The following TPH2 variants were observed in gnomAD, a reference collection of about 807,000 sequenced individuals.
TPH2 encodes the protein tryptophan 5-hydroxylase 2.
In TPH2, 27 loss-of-function variants were observed where a neutral mutation model predicts 59.1. The ratio of observed to expected loss-of-function variants is 0.46; its 90% CI spans 0.34 to 0.63. TPH2 has a LOEUF of 0.63. TPH2 is among the 30% of genes least tolerant of loss of function. TPH2 has a pLI of 0.01. For missense variants in TPH2, 523 were observed against 588.3 expected (o/e 0.89, Z 1.15); for synonymous variants, 220 against 210.5 (o/e 1.05, Z -0.39).
intron 8 of TPH2, among the ~76,000 whole-genome samples, chr12:71,999,520 T>C (rs951128747): frequency 1.3e-5 from 2 of 152,202 alleles, no homozygotes; most frequent in Non-Finnish European, 2.9e-5. Context: ...GAGTGTGTTA[T>C]AGTTTTGAGA....
At chr12:71,951,875 A>G (rs967996620) in intron 5 of TPH2, among the ~76,000 whole-genome samples, 4 of 152,286 alleles carry the variant, frequency 2.6e-5, no homozygotes, top group African/African-American at 9.6e-5. Flanking sequence ...AATATACAAA[A>G]TTAACCAGGC....
chr12:72,030,943 C>T (rs535918573), intron 9 of TPH2, among the ~76,000 whole-genome samples: 3 of 152,098 alleles, frequency 2.0e-5, no homozygotes, highest in Non-Finnish European at 4.4e-5. Context: ...GATTTAAAAT[C>T]CCATTTCTGT....
chr12:72,031,545 T>C lies in TPH2; in HGVS notation c.1323T>C (p.Arg441=), dbSNP rs772637863. ...GGGACTTTGCAAAGTCAATTACCCG[T>C]CCCTTCTCAGTATACTTCAATCCCT... The part of the protein sequence containing the change: ...KMRDFAKSIT[R]PFSVYFNPYT... The change falls in exon 11 of 11, where the codon CGT becomes CGC. Residue 441 remains arginine (R), a synonymous_variant. Transcript: ENST00000333850. 1.2e-5 allele frequency: 19 copies of C among 1,613,654 alleles called. No homozygotes were observed. Among genetic ancestry groups the C allele is most frequent in the Non-Finnish European group, 1.4e-5 (16 of 1,179,666 alleles).
chr12:71,941,474 A>G (rs1871063954), intron 1 of TPH2, 110 bp from the exon 2 acceptor site: 1 of 1,362,666 alleles, frequency 7.3e-7, no homozygotes, highest in East Asian at 2.5e-5. Context: ...AGTTTGTATG[A>G]TTGGTGGAGC....
Position 72,031,155 on chromosome 12 carries a change from C to G in TPH2, c.1165-103C>G. 9 of 1,476,694 alleles carry G rather than the reference C, an allele frequency of 6.1e-6. No homozygotes were observed. In the South Asian group the frequency reaches 1.0e-4, roughly 17 times the overall value. The allele number at this position is 1,476,694 out of a possible 1,614,324, so 91.5% of individuals were successfully genotyped here. On this transcript the variant is annotated intron_variant, in intron 9 of 10. Transcript: ENST00000333850. ...ATGACAGACTAGTAACTGAGCAGCT[C>G]TGTAGGATTACCGAGCTATCAAATG...
chr12:72,008,687 T>C (rs544780523), intron 8 of TPH2, among the ~76,000 whole-genome samples: 1 of 152,170 alleles, frequency 6.6e-6, no homozygotes, highest in African/African-American at 2.4e-5. Flanking sequence ...ATGTTGTGTG[T>C]AAGACCATAA....
At chr12:72,010,002 A>T (rs1873057476) in intron 8 of TPH2, among the ~76,000 whole-genome samples, 1 of 152,208 alleles carries the variant, frequency 6.6e-6, no homozygotes, top group Non-Finnish European at 1.5e-5. Flanking sequence ...CCCATGTTTG[A>T]AATGGGGGAT....
At chr12:71,950,094 C>T (rs1203616923) in intron 5 of TPH2, among the ~76,000 whole-genome samples, 1 of 152,174 alleles carries the variant, frequency 6.6e-6, no homozygotes, top group Admixed American at 6.5e-5. Context: ...GTTTGTTTTA[C>T]ATGGAGAGGA....
intron 8 of TPH2, among the ~76,000 whole-genome samples, chr12:72,004,111 A>C (rs1219426402): frequency 6.6e-6 from 1 of 150,956 alleles, no homozygotes; most frequent in Non-Finnish European, 1.5e-5. Flanking sequence ...TGAAGATGCT[A>C]TTCGGGATGT....
chr12:71,968,837 G>A (rs1051922209), intron 5 of TPH2, among the ~76,000 whole-genome samples: 1 of 152,200 alleles, frequency 6.6e-6, no homozygotes, highest in Admixed American at 6.5e-5. Context: ...CTCTCACCAA[G>A]CCCTGTAAGG....
intron 5 of TPH2, among the ~76,000 whole-genome samples, chr12:71,971,431 G>C (rs147241382): frequency 5.1e-4 from 77 of 152,286 alleles, no homozygotes; most frequent in African/African-American, 1.7e-3. Context: ...TTTCAGAATA[G>C]GTATCTTAAT....
chr12:71,983,646 T>TC (rs1230928327), intron 7 of TPH2, among the ~76,000 whole-genome samples: 2 of 152,150 alleles, frequency 1.3e-5, no homozygotes, highest in African/African-American at 4.8e-5. Context: ...TACTTGCAGA[T>TC]CCTAGGCAGA....
Position 71,962,127 on chromosome 12 carries a change from G to A in TPH2, c.609-10392G>A, listed in dbSNP as rs112510300. On this transcript the variant is annotated intron_variant, in intron 5 of 10. Coordinates refer to ENST00000333850, the MANE Select transcript of TPH2 (RefSeq NM_173353.4). ...TACTCTATGGCGTGGCTTAGCAGTCGTGGGGCTCCTAACCTCCTCTACAGA... is the reference window on the plus strand; with the variant it reads ...TACTCTATGGCGTGGCTTAGCAGTCATGGGGCTCCTAACCTCCTCTACAGA... 5.4e-4 allele frequency: 534 copies of A among 990,674 alleles called. 10 individuals are homozygous for A. The East Asian group carries it at 0.014, about 25-fold the overall frequency. 61.4% of individuals were successfully genotyped at this position (990,674 alleles called of 1,614,324 possible).
chr12:71,948,565 C>T (rs1319379344), intron 4 of TPH2, among the ~76,000 whole-genome samples: 2 of 152,184 alleles, frequency 1.3e-5, no homozygotes, highest in Non-Finnish European at 2.9e-5. Flanking sequence ...AGCGGCCCAT[C>T]TTGCAGAGCT....
At chr12:71,942,185 A>T (rs1231027314) in intron 2 of TPH2, among the ~76,000 whole-genome samples, 2 of 152,178 alleles carry the variant, frequency 1.3e-5, no homozygotes, top group Admixed American at 6.6e-5. Context: ...CTCATTGTTT[A>T]TGTGTCTTAA....
At chr12:71,994,651 T>C (rs1872652602) in intron 8 of TPH2, 86 bp downstream of exon 8, 11 of 1,522,078 alleles carry the variant, frequency 7.2e-6, no homozygotes, top group African/African-American at 2.7e-5. Flanking sequence ...CTATGAGTTA[T>C]AGGTAAATGT....
In TPH2 at chr12:72,030,148, C is replaced by T. The variant is rs115251567; in HGVS notation, c.1165-1110C>T. 7.2e-3 allele frequency among the ~76,000 whole-genome samples: 1,094 copies of T among 152,218 alleles called. 9 individuals are homozygous for T. Among genetic ancestry groups the T allele is most frequent in the African/African-American group, 0.024 (996 of 41,538 alleles). On this transcript the variant is annotated intron_variant, in intron 9 of 10. Coordinates refer to ENST00000333850, the MANE Select transcript of TPH2 (RefSeq NM_173353.4). Reference sequence around the variant, plus strand: ...CCCCAGTTTTCCAACTCTCAGTTCACGGCAGTTTCTGCTACCCCATTTTTT... The same window carrying T: ...CCCCAGTTTTCCAACTCTCAGTTCATGGCAGTTTCTGCTACCCCATTTTTT...
intron 8 of TPH2, among the ~76,000 whole-genome samples, chr12:72,013,233 A>G (rs918962012): frequency 1.3e-5 from 2 of 152,202 alleles, no homozygotes; most frequent in African/African-American, 4.8e-5. Context: ...AAGACAATGT[A>G]TGCTGTTTTC....
chr12:71,961,062 C>T (rs866541536), intron 5 of TPH2, among the ~76,000 whole-genome samples: 7 of 152,140 alleles, frequency 4.6e-5, no homozygotes, highest in Non-Finnish European at 8.8e-5. Context: ...CCCTCAGTTT[C>T]GAATGAGGAA....
Sources: gnomAD v4.1 joint callset for allele counts (sites outside exome capture counted in the v4.1 genomes callset) on GRCh38, gnomAD v4.1.1 for gene constraint, MANE v1.5 for transcripts, NCBI Gene and HGNC (gene_info 2026-07-23, HGNC 2026-07-21) for gene names.